The following SERPINB13 variants were observed in gnomAD, a reference collection of about 807,000 sequenced individuals.
The protein encoded by SERPINB13 is serpin B13.
SERPINB13 carries 26 observed loss-of-function variants against 31.2 expected under a neutral mutation model. That is an observed-to-expected ratio of 0.83 (90% CI 0.61 to 1.15). The LOEUF (loss-of-function observed/expected upper bound fraction) is 1.15. Among genes scored for constraint, SERPINB13 ranks in the 50% most tolerant of loss-of-function variants. SERPINB13 has a pLI of 0.00. For synonymous variants in SERPINB13, 191 were observed against 172.4 expected (o/e 1.11, Z -0.85); for missense variants, 510 against 469.4 (o/e 1.09, Z -0.80).
chr18:63,590,958 A>G (rs1368137247), intron 3 of SERPINB13, among the ~76,000 whole-genome samples: 1 of 152,218 alleles, frequency 6.6e-6, no homozygotes, highest in Non-Finnish European at 1.5e-5. Flanking sequence ...GTAAATTCAG[A>G]GTATTTTGAA....
At chr18:63,594,785 G>A (rs894596283) in intron 6 of SERPINB13, among the ~76,000 whole-genome samples, 1 of 152,132 alleles carries the variant, frequency 6.6e-6, no homozygotes, top group Non-Finnish European at 1.5e-5. Context: ...GTTGCAGTGA[G>A]CCAAGATCAT....
At chr18:63,592,264 A>G (rs1323856939) in intron 3 of SERPINB13, 84 bp from the exon 4 acceptor site, 1 of 1,470,186 alleles carries the variant, frequency 6.8e-7, no homozygotes, top group Non-Finnish European at 9.2e-7. Context: ...GGAGGGAGAG[A>G]CCCAGCAGCC....
At chr18:63,589,258 T>G (rs1049845800) in intron 2 of SERPINB13, among the ~76,000 whole-genome samples, 1 of 152,052 alleles carries the variant, frequency 6.6e-6, no homozygotes, top group East Asian at 1.9e-4. Flanking sequence ...TGACCTCAGG[T>G]GATCCACACG....
chr18:63,591,598 T>C (rs1911857430), intron 3 of SERPINB13, among the ~76,000 whole-genome samples: 1 of 152,158 alleles, frequency 6.6e-6, no homozygotes, highest in South Asian at 2.1e-4. Flanking sequence ...GCAATACATC[T>C]AGTTTGAATC....
rs1367130996 is a variant in SERPINB13 at position 63,597,957 on chromosome 18, A to T, written c.*594A>T. On this transcript the variant is annotated 3_prime_UTR_variant, in exon 8 of 8. Transcript: ENST00000344731. Reference sequence around the variant, plus strand: ...AACATTATCCATTGTTAGATGCATAAGCATTTTGATATTGTGTAATAAATG... The same window carrying T: ...AACATTATCCATTGTTAGATGCATATGCATTTTGATATTGTGTAATAAATG... 1 of 152,420 alleles carries T rather than the reference A, an allele frequency of 6.6e-6. No individual in the cohort carries two copies. Among genetic ancestry groups the T allele is most frequent in the Non-Finnish European group, 1.5e-5 (1 of 68,186 alleles). 9.4% of individuals were successfully genotyped at this position (152,420 alleles called of 1,614,324 possible).
chr18:63,592,211 G>C, intron 3 of SERPINB13, 137 bp from the exon 4 acceptor site: 1 of 844,702 alleles, frequency 1.2e-6, no homozygotes, highest in Non-Finnish European at 1.8e-6. Flanking sequence ...CTGATATCCA[G>C]GGGCCACATC....
At chr18:63,593,757 CAG>C (rs1911992440) in intron 5 of SERPINB13, among the ~76,000 whole-genome samples, 1 of 151,736 alleles carries the variant, frequency 6.6e-6, no homozygotes, top group Admixed American at 6.6e-5. Context: ...ATAAAAGAAA[CAG>C]AAAAAATAGG....
Position 63,592,459 on chromosome 18 carries a change from AC to A in SERPINB13, c.338del (p.Thr113AsnfsTer9), listed in dbSNP as rs1194893532. The A allele has an allele frequency of 6.2e-7, 1 of 1,613,422 alleles. No individual in the cohort carries two copies. The highest frequency in any genetic ancestry group is 8.5e-7 in the Non-Finnish European group (1 of 1,179,818). ...AACCAACAGGCTGTTTGGAGAAAAAACATACCTCTTCCTTCAAGTAAGTTTG... is the reference window on the plus strand; with the variant it reads ...AACCAACAGGCTGTTTGGAGAAAAAAATACCTCTTCCTTCAAGTAAGTTTG... The part of the protein sequence containing the change: ...NITNRLFGEK[T>X]YLFLQKYLDY... On this transcript the variant is annotated frameshift_variant, in exon 4 of 8. Transcript: ENST00000344731. LOFTEE classifies it high-confidence loss of function.
intron 1 of SERPINB13, among the ~76,000 whole-genome samples, chr18:63,588,412 C>T (rs1331890340): frequency 1.3e-5 from 2 of 152,076 alleles, no homozygotes; most frequent in African/African-American, 2.4e-5. Context: ...CCCTGCTCCG[C>T]GGGGAAATAA....
At chr18:63,593,879 C>G (rs567358993) in intron 5 of SERPINB13, 74 of 385,930 alleles carry the variant, frequency 1.9e-4, no homozygotes, top group South Asian at 1.4e-3. Flanking sequence ...CCCTTAATCT[C>G]AGGTGGTAAC....
intron 3 of SERPINB13, among the ~76,000 whole-genome samples, chr18:63,590,914 A>G (rs1911812023): frequency 6.6e-6 from 1 of 152,196 alleles, no homozygotes; most frequent in African/African-American, 2.4e-5. Context: ...GTTTGCCCAG[A>G]GACTGGCTTG....
intron 3 of SERPINB13, among the ~76,000 whole-genome samples, chr18:63,591,816 A>G (rs1911871550): frequency 6.6e-6 from 1 of 152,130 alleles, no homozygotes; most frequent in Admixed American, 6.5e-5. Flanking sequence ...AACTTCAATC[A>G]GAAAACTGAT....
At chr18:63,594,112 T>A in intron 5 of SERPINB13, 1 of 1,407,648 alleles carries the variant, frequency 7.1e-7, no homozygotes, top group Non-Finnish European at 9.5e-7. Flanking sequence ...AACAGAGGCA[T>A]CTGACCCCAG....
At chr18:63,593,028 C>A in intron 5 of SERPINB13, 57 bp downstream of exon 5, 2 of 1,138,700 alleles carry the variant, frequency 1.8e-6, no homozygotes, top group Non-Finnish European at 1.3e-6. Context: ...AACAAACAAA[C>A]AAAAAACACT....
At position 63,597,445 on chromosome 18, in the gene SERPINB13, C is replaced by A; in HGVS notation, c.*82C>A. On this transcript the variant is annotated 3_prime_UTR_variant, in exon 8 of 8. Coordinates refer to ENST00000344731, the MANE Select transcript of SERPINB13 (RefSeq NM_012397.4). ...CATATGATTATGAAAATCGTCCATT[C>A]TTTTAAATGTTGTCTCACTTGCATT... 2 of 1,409,740 alleles carry A rather than the reference C, an allele frequency of 1.4e-6. No individual in the cohort carries two copies. Among genetic ancestry groups the A allele is most frequent in the Non-Finnish European group, 1.9e-6 (2 of 1,042,576 alleles). The allele number at this position is 1,409,740 out of a possible 1,614,324, so 87.3% of individuals were successfully genotyped here.
chr18:63,590,733 A>G (rs1371590537), intron 3 of SERPINB13, among the ~76,000 whole-genome samples: 1 of 152,216 alleles, frequency 6.6e-6, no homozygotes, highest in Non-Finnish European at 1.5e-5. Flanking sequence ...ACTGAATTTC[A>G]GCTTTGTGTA....
intron 7 of SERPINB13, among the ~76,000 whole-genome samples, chr18:63,596,441 TC>T (rs1599453979): frequency 6.6e-6 from 1 of 152,230 alleles, no homozygotes; most frequent in East Asian, 1.9e-4. Flanking sequence ...TTATTTTGTA[TC>T]CTTAGTAACT....
In SERPINB13 at chr18:63,597,643, T is replaced by C. The variant is rs187770569; in HGVS notation, c.*280T>C. On this transcript the variant is annotated 3_prime_UTR_variant, in exon 8 of 8. Coordinates refer to ENST00000344731, the MANE Select transcript of SERPINB13 (RefSeq NM_012397.4). ...TTGAAAGTAAATTGGTATCTTGTAG[T>C]TTTGTGCACACGAAAGGAGAGAAAG... 2.9e-6 allele frequency: 1 copy of C among 344,192 alleles called. No individual in the cohort carries two copies. Among genetic ancestry groups the C allele is most frequent in the East Asian group, 5.3e-5 (1 of 18,784 alleles). 21.3% of individuals were successfully genotyped at this position (344,192 alleles called of 1,614,324 possible). A position where few individuals can be genotyped will look rare whatever the true frequency, so the allele number is the denominator to read the frequency against.
intron 3 of SERPINB13, chr18:63,589,919 G>A: frequency 9.4e-7 from 1 of 1,063,000 alleles, no homozygotes; most frequent in Non-Finnish European, 1.3e-6. Flanking sequence ...CCTTAATATT[G>A]AGAAGAGACC....
Sources: gnomAD v4.1 joint callset for allele counts (sites outside exome capture counted in the v4.1 genomes callset) on GRCh38, gnomAD v4.1.1 for gene constraint, MANE v1.5 for transcripts, NCBI Gene and HGNC (gene_info 2026-07-23, HGNC 2026-07-21) for gene names.